Variants in FGF2 observed in about 807,000 individuals in gnomAD.
FGF2 encodes the protein basic fibroblast growth factor bFGF.
A neutral mutation model predicts 15.9 loss-of-function variants in FGF2; 13 were observed. The ratio of observed to expected loss-of-function variants is 0.82; its 90% CI spans 0.53 to 1.30. The LOEUF (loss-of-function observed/expected upper bound fraction) is 1.30, where lower values mean the gene tolerates loss of function less well. Ranked by LOEUF, FGF2 falls within the 50% of genes most tolerant of loss-of-function variation. The pLI is 0.00. For missense variants in FGF2, 163 were observed against 196.9 expected, an observed-to-expected ratio of 0.83 and a Z score of 1.03; for synonymous variants, 90 against 78.4, an observed-to-expected ratio of 1.15 and a Z score of -0.78.
intron 1 of FGF2, among the ~76,000 whole-genome samples, chr4:122,845,233 G>C (rs569391676): frequency 6.6e-6 from 1 of 152,258 alleles, no homozygotes; most frequent in African/African-American, 2.4e-5. Context: ...AGTAAACCAC[G>C]ATGTAAACAG....
At position 122,897,658 on chromosome 4, in the gene FGF2, A is replaced by C. The variant is rs1298859944; in HGVS notation, c.*5262A>C. 6.2e-7 allele frequency: 1 copy of C among 1,610,082 alleles called. No homozygotes were observed. The highest frequency in any genetic ancestry group is 1.1e-5 in the South Asian group (1 of 91,004). Reference sequence around the variant, plus strand: ...CTTCAGGCTCTGACAGGCCTCCTGGAAACTTCCACATATTTTTCAACTGCA... The same window carrying C: ...CTTCAGGCTCTGACAGGCCTCCTGGCAACTTCCACATATTTTTCAACTGCA... On this transcript the variant is annotated 3_prime_UTR_variant, in exon 3 of 3. Transcript: ENST00000644866.
At chr4:122,843,115 T>C (rs542507791) in intron 1 of FGF2, among the ~76,000 whole-genome samples, 1 of 152,342 alleles carries the variant, frequency 6.6e-6, no homozygotes, top group South Asian at 2.1e-4. Context: ...TAAAATGTTT[T>C]GCCTGCTTTG....
Position 122,897,514 on chromosome 4 carries a change from C to T in FGF2, c.*5118C>T, listed in dbSNP as rs749509338. 2.8e-5 allele frequency: 22 copies of T among 777,174 alleles called. No homozygotes were observed. Among genetic ancestry groups the T allele is most frequent in the Admixed American group, 6.5e-5 (3 of 46,286 alleles). 48.1% of individuals were successfully genotyped at this position (777,174 alleles called of 1,614,324 possible). A position where few individuals can be genotyped will look rare whatever the true frequency, so the allele number is the denominator to read the frequency against. ...AATTTCTGAAATGTTCAGACTCAGT[C>T]GGAACAAATTGGAAAATTTAAATTT... is the stretch of plus-strand genomic sequence containing the variant. On this transcript the variant is annotated 3_prime_UTR_variant, in exon 3 of 3. Coordinates refer to ENST00000644866, the MANE Select transcript of FGF2 (RefSeq NM_001361665.2).
At chr4:122,889,276 A>G (rs1727120461) in intron 2 of FGF2, among the ~76,000 whole-genome samples, 1 of 152,194 alleles carries the variant, frequency 6.6e-6, no homozygotes, top group Non-Finnish European at 1.5e-5. Context: ...TATATAAAAT[A>G]AGGCTTTGGA....
intron 2 of FGF2, among the ~76,000 whole-genome samples, chr4:122,889,405 A>C (rs539371598): frequency 1.3e-5 from 2 of 152,312 alleles, no homozygotes; most frequent in East Asian, 3.9e-4. Context: ...ATAGGAAAAC[A>C]GTTCTTTAAA....
At chr4:122,854,400 A>G (rs1726295638) in intron 1 of FGF2, among the ~76,000 whole-genome samples, 1 of 152,194 alleles carries the variant, frequency 6.6e-6, no homozygotes, top group African/African-American at 2.4e-5. Flanking sequence ...AGTCTCCCGC[A>G]CCTCACAGGC....
Position 122,827,841 on chromosome 4 carries a change from T to C in FGF2, c.178+489T>C, listed in dbSNP as rs114795245. ...GGACGACCCGAGGCATATGGCACACTACTCTCACCCACTCTGTTTTATATT... is the reference window on the plus strand; with the variant it reads ...GGACGACCCGAGGCATATGGCACACCACTCTCACCCACTCTGTTTTATATT... On this transcript the variant is annotated intron_variant, in intron 1 of 2. Coordinates refer to ENST00000644866, the MANE Select transcript of FGF2 (RefSeq NM_001361665.2). The surrounding 1 kb of genome is among the most constrained non-coding windows in gnomAD (Gnocchi z 4.2). Among the ~76,000 whole-genome samples, 251 of 152,318 alleles carry C rather than the reference T, an allele frequency of 1.6e-3. 1 individual carries two copies. The highest frequency in any genetic ancestry group is 5.7e-3 in the African/African-American group (237 of 41,580).
chr4:122,854,165 A>G (rs1232501895), intron 1 of FGF2, among the ~76,000 whole-genome samples: 1 of 152,210 alleles, frequency 6.6e-6, no homozygotes, highest in African/African-American at 2.4e-5. Flanking sequence ...AAAGGACATT[A>G]AAAAATAGCT....
chr4:122,882,596 A>C (rs931937388), intron 2 of FGF2: 1 of 152,240 alleles, frequency 6.6e-6, no homozygotes, highest in South Asian at 2.1e-4. Context: ...ATTTCCACCA[A>C]GTTGGTGCAG....
In FGF2 at chr4:122,897,721, T is replaced by G; in HGVS notation, c.*5325T>G. On this transcript the variant is annotated 3_prime_UTR_variant, in exon 3 of 3. Coordinates refer to ENST00000644866, the MANE Select transcript of FGF2 (RefSeq NM_001361665.2). ...AAAATAAAGTTAACATAACTTTCAC[T>G]AACACACACATATGTAGATTTCACA... is the stretch of plus-strand genomic sequence containing the variant. 8.0e-7 allele frequency: 1 copy of G among 1,251,938 alleles called. No individual in the cohort carries two copies. The highest frequency in any genetic ancestry group is 1.5e-5 in the African/African-American group (1 of 68,118). 77.6% of individuals were successfully genotyped at this position (1,251,938 alleles called of 1,614,324 possible).
intron 2 of FGF2, among the ~76,000 whole-genome samples, chr4:122,883,753 A>G (rs1399325030): frequency 1.3e-5 from 2 of 152,252 alleles, no homozygotes; most frequent in African/African-American, 4.8e-5. Flanking sequence ...AGAAAGTTGC[A>G]CATTGTTTTC....
intron 1 of FGF2, among the ~76,000 whole-genome samples, chr4:122,839,372 AAACAAC>A (rs142579201): frequency 2.0e-5 from 3 of 152,010 alleles, no homozygotes; most frequent in African/African-American, 7.3e-5. Flanking sequence ...TAAGATTTTA[AAACAAC>A]AACAACAACA....
chr4:122,839,154 C>T (rs541287199), intron 1 of FGF2, among the ~76,000 whole-genome samples: 1 of 152,080 alleles, frequency 6.6e-6, no homozygotes, highest in Admixed American at 6.5e-5. Flanking sequence ...GAATGTATCC[C>T]CATAGTTAAG....
At chr4:122,870,262 A>C (rs1414426806) in intron 1 of FGF2, among the ~76,000 whole-genome samples, 2 of 152,134 alleles carry the variant, frequency 1.3e-5, no homozygotes, top group African/African-American at 4.8e-5. Flanking sequence ...TTTTCACATC[A>C]GTGTTCATCA....
At position 122,827,463 on chromosome 4, in the gene FGF2, C is replaced by G. The variant is rs1480950702; in HGVS notation, c.178+111C>G. Reference sequence around the variant, plus strand: ...GGATCTTCACTGCGACCCTAGCGCTCCGTGTGGTTTCTGGCCGCGCGGCCC... The same window carrying G: ...GGATCTTCACTGCGACCCTAGCGCTGCGTGTGGTTTCTGGCCGCGCGGCCC... On this transcript the variant is annotated intron_variant, in intron 1 of 2. Coordinates refer to ENST00000644866, the MANE Select transcript of FGF2 (RefSeq NM_001361665.2). This position sits in a 1 kb window ranked among gnomAD's most constrained non-coding sequence, Gnocchi z 4.2. 1.6e-6 allele frequency: 2 copies of G among 1,268,106 alleles called. No homozygotes were observed. Among genetic ancestry groups the G allele is most frequent in the East Asian group, 2.5e-5 (1 of 40,322 alleles). The allele number at this position is 1,268,106 out of a possible 1,614,324, so 78.6% of individuals were successfully genotyped here.
At position 122,897,792 on chromosome 4, in the gene FGF2, G is replaced by T; in HGVS notation, c.*5396G>T. Reference sequence around the variant, plus strand: ...AAAGTGGTTGAGAATATATTTTTTAGTAATTGCATGCAAAATTTTTCTAGC... The same window carrying T: ...AAAGTGGTTGAGAATATATTTTTTATTAATTGCATGCAAAATTTTTCTAGC... On this transcript the variant is annotated 3_prime_UTR_variant, in exon 3 of 3. Coordinates refer to ENST00000644866, the MANE Select transcript of FGF2 (RefSeq NM_001361665.2). 1 of 723,862 alleles carries T rather than the reference G, an allele frequency of 1.4e-6. No homozygotes were observed. The highest frequency in any genetic ancestry group is 2.4e-6 in the Non-Finnish European group (1 of 420,104). The allele number at this position is 723,862 out of a possible 1,614,324, so 44.8% of individuals were successfully genotyped here.
At position 122,897,462 on chromosome 4, in the gene FGF2, T is replaced by C. The variant is rs997869608; in HGVS notation, c.*5066T>C. On this transcript the variant is annotated 3_prime_UTR_variant, in exon 3 of 3. Transcript: ENST00000644866. ...GAATAAACTGTAATATTAGAAATTATGCTGCTAATTATATCAGCTCTGAGG... is the reference window on the plus strand; with the variant it reads ...GAATAAACTGTAATATTAGAAATTACGCTGCTAATTATATCAGCTCTGAGG... 1.6e-6 allele frequency: 1 copy of C among 643,910 alleles called. No homozygotes were observed. 39.9% of individuals were successfully genotyped at this position (643,910 alleles called of 1,614,324 possible).
chr4:122,839,238 A>C (rs563406852), intron 1 of FGF2, among the ~76,000 whole-genome samples: 1 of 152,358 alleles, frequency 6.6e-6, no homozygotes, highest in African/African-American at 2.4e-5. Context: ...TACAGTAAAA[A>C]TATGACATTA....
intron 1 of FGF2, among the ~76,000 whole-genome samples, chr4:122,852,695 A>T (rs1726259982): frequency 6.6e-6 from 1 of 151,780 alleles, no homozygotes; most frequent in South Asian, 2.1e-4. Flanking sequence ...CCAAGTTGAA[A>T]CCCCCTAAAC....
Sources: gnomAD v4.1 joint callset for allele counts (sites outside exome capture counted in the v4.1 genomes callset) on GRCh38, gnomAD v4.1.1 for gene constraint, Gnocchi (gnomAD v3.1) non-coding constraint, MANE v1.5 for transcripts, NCBI Gene and HGNC (gene_info 2026-07-23, HGNC 2026-07-21) for gene names.